The following ATP7B variants were observed in gnomAD, a reference collection of about 807,000 sequenced individuals.
The protein encoded by ATP7B is copper-transporting ATPase 2.
A neutral mutation model predicts 118.9 loss-of-function variants in ATP7B; 113 were observed. The observed-to-expected ratio is 0.95, with a 90% CI of 0.82 to 1.11. The LOEUF is 1.11. Ranked by LOEUF, ATP7B falls within the 50% of genes most tolerant of loss-of-function variation. The pLI is 0.00. For missense variants in ATP7B, 1,867 were observed against 1,871.4 expected, an observed-to-expected ratio of 1.00 and a Z score of 0.04; for synonymous variants, 777 against 727.4, an observed-to-expected ratio of 1.07 and a Z score of -1.10.
At chr13:51,946,608 G>A (rs2139070445) in intron 12 of ATP7B, 130 bp from the exon 13 acceptor site, 2 of 997,980 alleles carry the variant, frequency 2.0e-6, no homozygotes, top group Non-Finnish European at 1.5e-6. Context: ...GAAACAGATG[G>A]TATTCCACAC....
intron 4 of ATP7B, 76 bp downstream of exon 4, chr13:51,968,368 T>G (rs1951670921): frequency 6.2e-7 from 1 of 1,602,466 alleles, no homozygotes; most frequent in African/African-American, 1.3e-5. Flanking sequence ...GGAAATTTAC[T>G]AATCACAAAG....
At chr13:51,965,129 C>A in intron 4 of ATP7B, 96 bp from the exon 5 acceptor site, 1 of 1,488,034 alleles carries the variant, frequency 6.7e-7, no homozygotes, top group Non-Finnish European at 9.2e-7. Flanking sequence ...AGCCAAGAGC[C>A]TTTCCCTCCT....
Position 51,946,286 on chromosome 13 carries a change from T to C in ATP7B, c.3058A>G (p.Lys1020Glu). 6.3e-7 allele frequency: 1 copy of C among 1,581,334 alleles called. No homozygotes were observed. Among genetic ancestry groups the C allele is most frequent in the Middle Eastern group, 2.2e-4 (1 of 4,472 alleles). ...KGGKPLEMAHKIKTVMFDKTG... is the reference protein window; with the variant it reads ...KGGKPLEMAHEIKTVMFDKTG... The stretch of plus-strand genomic sequence containing the variant: ...GGAAAGCCGTGCTACAGGCTGACCT[T>C]GTGCGCCATCTCCAGGGGCTTGCCT... The change falls in exon 13 of 21, where the codon AAG becomes GAG. Residue 1020 changes from lysine to glutamate, a missense_variant and splice_region_variant. By Grantham distance (56) the Lys-to-Glu change is moderately conservative. Transcript: ENST00000242839.
intron 2 of ATP7B, 90 bp from the exon 3 acceptor site, chr13:51,970,839 C>A (rs1951806298): frequency 4.3e-6 from 6 of 1,405,196 alleles, no homozygotes; most frequent in Non-Finnish European, 5.9e-6. Context: ...GGTGAGGGTT[C>A]ATTGTCCCGG....
chr13:52,006,784 C>T (rs905751632), intron 1 of ATP7B, among the ~76,000 whole-genome samples: 3 of 152,184 alleles, frequency 2.0e-5, no homozygotes, highest in African/African-American at 7.2e-5. Flanking sequence ...TTTATACATG[C>T]TGGTCTCTGC....
At chr13:51,965,920 C>A (rs1013324202) in intron 4 of ATP7B, among the ~76,000 whole-genome samples, 1 of 152,084 alleles carries the variant, frequency 6.6e-6, no homozygotes, top group Non-Finnish European at 1.5e-5. Context: ...CCAAGGGTCC[C>A]ATCTGGAATT....
At position 51,933,289 on chromosome 13, in the gene ATP7B, C is replaced by T. The variant is rs1256231391; in HGVS notation, c.*1467G>A. ...TTGGCTATGTCATCCTGGGCAAAGTCCTCAGCCTCTTGGAGCCTGTTTCCT... is the reference window on the plus strand; with the variant it reads ...TTGGCTATGTCATCCTGGGCAAAGTTCTCAGCCTCTTGGAGCCTGTTTCCT... On this transcript the variant is annotated 3_prime_UTR_variant, in exon 21 of 21. Transcript: ENST00000242839. 1 of 152,238 alleles carries T rather than the reference C, an allele frequency of 6.6e-6. No homozygotes were observed. Among genetic ancestry groups the T allele is most frequent in the African/African-American group, 2.4e-5 (1 of 41,454 alleles). 9.4% of individuals were successfully genotyped at this position (152,238 alleles called of 1,614,324 possible). A position where few individuals can be genotyped will look rare whatever the true frequency, so the allele number is the denominator to read the frequency against.
rs915726612 is a variant in ATP7B, at chr13:51,970,526, C to T, written c.1509G>A (p.Val503=). The change falls in exon 3 of 21, where the codon GTG becomes GTA. Residue 503 remains valine, a synonymous_variant. Coordinates refer to ENST00000242839, the MANE Select transcript of ATP7B (RefSeq NM_000053.4). Reference sequence around the variant, plus strand: ...TCTGCAGATTCCTTTCTATGTTAGACACACAGGATGCACAGGTCATGCCTT... The same window carrying T: ...TCTGCAGATTCCTTTCTATGTTAGATACACAGGATGCACAGGTCATGCCTT... ...QIKGMTCASC[V]SNIERNLQKE... is the part of the protein sequence containing the mutation. 6.2e-7 allele frequency: 1 copy of T among 1,614,196 alleles called. No individual in the cohort carries two copies. The highest frequency in any genetic ancestry group is 2.2e-5 in the East Asian group (1 of 44,878).
chr13:51,958,616 GC>G (rs1958517026), intron 7 of ATP7B, 72 bp from the exon 8 acceptor site: 1 of 1,376,584 alleles, frequency 7.3e-7, no homozygotes, highest in Non-Finnish European at 1.0e-6. Flanking sequence ...AGGGCCAAGG[GC>G]CCTGGGGATG....
chr13:51,994,118 T>A (rs1953074718), intron 1 of ATP7B, among the ~76,000 whole-genome samples: 1 of 152,202 alleles, frequency 6.6e-6, no homozygotes, highest in Non-Finnish European at 1.5e-5. Context: ...AACACATGGC[T>A]AAAAGTATAA....
At chr13:51,999,666 C>T (rs1023707027) in intron 1 of ATP7B, among the ~76,000 whole-genome samples, 1 of 152,158 alleles carries the variant, frequency 6.6e-6, no homozygotes, top group African/African-American at 2.4e-5. Flanking sequence ...TCCAACACGG[C>T]TTTACTCTCA....
At position 51,950,254 on chromosome 13, in the gene ATP7B, T is replaced by C; in HGVS notation, c.2575+18A>G. On this transcript the variant is annotated intron_variant, in intron 10 of 20. Coordinates refer to ENST00000242839, the MANE Select transcript of ATP7B (RefSeq NM_000053.4). ...GCTATGATATCCTCCTGAGGGAACA[T>C]GAAACAAGCCATCTCACCTGTGATG... is the stretch of plus-strand genomic sequence containing the variant. The C allele has an allele frequency of 6.2e-7, 1 of 1,614,182 alleles. No individual in the cohort carries two copies. Among genetic ancestry groups the C allele is most frequent in the Non-Finnish European group, 8.5e-7 (1 of 1,180,036 alleles).
At chr13:51,966,060 A>C (rs1951531452) in intron 4 of ATP7B, among the ~76,000 whole-genome samples, 3 of 152,212 alleles carry the variant, frequency 2.0e-5, no homozygotes, top group African/African-American at 7.2e-5. Context: ...GGTGACTGCC[A>C]ACAGAATTTT....
upstream of ATP7B, chr13:52,011,994 A>G: frequency 3.1e-6 from 1 of 324,744 alleles, no homozygotes; most frequent in South Asian, 2.8e-5. Context: ...CAAAGGAAGC[A>G]ACCGCGGCAA....
At chr13:52,004,225 G>A (rs550829421) in intron 1 of ATP7B, among the ~76,000 whole-genome samples, 1 of 152,194 alleles carries the variant, frequency 6.6e-6, no homozygotes, top group Non-Finnish European at 1.5e-5. Flanking sequence ...TCGTGCCACT[G>A]CACTCCAGCC....
intron 1 of ATP7B, among the ~76,000 whole-genome samples, chr13:52,006,697 A>C (rs1953788460): frequency 6.6e-6 from 1 of 152,198 alleles, no homozygotes; most frequent in African/African-American, 2.4e-5. Flanking sequence ...CAGACCTTCC[A>C]GCCTTCCACT....
Position 52,011,365 on chromosome 13 carries a change from C to G in ATP7B, c.-28G>C, listed in dbSNP as rs773200631. On this transcript the variant is annotated 5_prime_UTR_variant, in exon 1 of 21. Coordinates refer to ENST00000242839, the MANE Select transcript of ATP7B (RefSeq NM_000053.4). ...TCCCGCACGGACACCGAATTCTTCT[C>G]TGATCTGGCTCAGAGCAAAAGGTCA... The G allele has an allele frequency of 6.2e-7, 1 of 1,614,188 alleles. No homozygotes were observed. Among genetic ancestry groups the G allele is most frequent in the South Asian group, 1.1e-5 (1 of 91,092 alleles).
chr13:51,968,385 G>A lies in ATP7B; in HGVS notation c.1707+59C>T, dbSNP rs551994301. The A allele has an allele frequency of 5.0e-6, 8 of 1,610,270 alleles. No individual in the cohort carries two copies. In the East Asian group the frequency reaches 8.9e-5, roughly 18 times the overall value. On this transcript the variant is annotated intron_variant, in intron 4 of 20. Coordinates refer to ENST00000242839, the MANE Select transcript of ATP7B (RefSeq NM_000053.4). ...AAATTTACTAATCACAAAGATGGAT[G>A]TGTCCAAAATGCAAACTGTCAGAAG...
intron 19 of ATP7B, 126 bp from the exon 20 acceptor site, chr13:51,935,821 C>A (rs1028315511): frequency 1.5e-5 from 12 of 783,476 alleles, no homozygotes; most frequent in South Asian, 1.9e-5. Flanking sequence ...TGCTCAGAAG[C>A]CCCTGCCAAT....
Sources: gnomAD v4.1 joint callset for allele counts (sites outside exome capture counted in the v4.1 genomes callset) on GRCh38, gnomAD v4.1.1 for gene constraint, MANE v1.5 for transcripts, NCBI Gene and HGNC (gene_info 2026-07-23, HGNC 2026-07-21) for gene names.